Variants in TTC28 observed in about 807,000 individuals in gnomAD.
TTC28 encodes tetratricopeptide repeat protein 28.
Under a neutral mutation model 198.0 loss-of-function variants are expected in TTC28, and 61 were observed. The ratio of observed to expected loss-of-function variants is 0.31; its 90% CI spans 0.25 to 0.38. TTC28 has a LOEUF of 0.38. Ranked by LOEUF, TTC28 falls within the 10% of genes least tolerant of loss-of-function variation. TTC28 has a pLI of 1.00. For missense variants in TTC28, 2,678 were observed against 3,164.0 expected (o/e 0.85, Z 3.69); for synonymous variants, 1,171 against 1,297.8 (o/e 0.90, Z 2.10).
intron 2 of TTC28, among the ~76,000 whole-genome samples, chr22:28,343,311 T>C (rs1387250106): frequency 3.3e-5 from 5 of 151,890 alleles, no homozygotes; most frequent in Non-Finnish European, 7.4e-5. Flanking sequence ...AGGTGGATCA[T>C]TTGAGGTCAG....
intron 2 of TTC28, among the ~76,000 whole-genome samples, chr22:28,444,807 C>G (rs960062307): frequency 6.6e-6 from 1 of 152,150 alleles, no homozygotes; most frequent in African/African-American, 2.4e-5. Flanking sequence ...GACTTAAGCA[C>G]CTATTATTTC....
In TTC28 at chr22:28,163,495, T is replaced by C; in HGVS notation, c.1038A>G (p.Gln346=). The C allele has an allele frequency of 1.3e-6, 2 of 1,551,754 alleles. No homozygotes were observed. The highest frequency in any genetic ancestry group is 1.7e-6 in the Non-Finnish European group (2 of 1,147,008). The change falls in exon 6 of 23, where the codon CAA becomes CAG. Residue 346 remains glutamine (Q), a synonymous_variant. Transcript: ENST00000397906. ...SHKQCVLLAK[Q]SKDELSEARE... Reference sequence around the variant, plus strand: ...GGGCTTCAGAAAGTTCATCTTTGGATTGCTTGGCAAGAAGAACACACTGTT... The same window carrying C: ...GGGCTTCAGAAAGTTCATCTTTGGACTGCTTGGCAAGAAGAACACACTGTT...
intron 2 of TTC28, among the ~76,000 whole-genome samples, chr22:28,559,564 G>C (rs968408966): frequency 4.1e-4 from 63 of 152,134 alleles, no homozygotes; most frequent in Non-Finnish European, 1.0e-4. Context: ...CCCCTAAGTA[G>C]AGCAACAGCA....
chr22:28,130,811 TG>T (rs1166084184), intron 6 of TTC28, among the ~76,000 whole-genome samples: 8 of 152,250 alleles, frequency 5.3e-5, no homozygotes, highest in African/African-American at 1.9e-4. Flanking sequence ...TGTTTGTTTT[TG>T]TTTTTTACTT....
chr22:28,325,393 T>C (rs1321228107), intron 2 of TTC28, among the ~76,000 whole-genome samples: 1 of 152,136 alleles, frequency 6.6e-6, no homozygotes, highest in Non-Finnish European at 1.5e-5. Flanking sequence ...TTGCCAGTGG[T>C]CTATAATATT....
intron 5 of TTC28, among the ~76,000 whole-genome samples, chr22:28,197,639 A>G (rs1273798320): frequency 6.6e-6 from 1 of 152,094 alleles, no homozygotes; most frequent in East Asian, 1.9e-4. Flanking sequence ...AAACACGAAA[A>G]TATTGTTAAG....
intron 2 of TTC28, among the ~76,000 whole-genome samples, chr22:28,384,726 C>G (rs1438171845): frequency 6.6e-6 from 1 of 152,218 alleles, no homozygotes; most frequent in Non-Finnish European, 1.5e-5. Flanking sequence ...CTCTCCATTT[C>G]CACTACCACT....
intron 2 of TTC28, among the ~76,000 whole-genome samples, chr22:28,372,531 CTTTT>C (rs11309698): frequency 1.2e-4 from 17 of 145,690 alleles, no homozygotes; most frequent in Admixed American, 2.0e-4. Flanking sequence ...ATAGTTTATC[CTTTT>C]TTTTTTTTTT....
chr22:28,144,752 C>T (rs780756449), intron 6 of TTC28, among the ~76,000 whole-genome samples: 7 of 152,192 alleles, frequency 4.6e-5, no homozygotes, highest in Admixed American at 1.3e-4. Context: ...ATGGGGAGCC[C>T]GTAGCATAGC....
chr22:28,384,410 C>T (rs1424252342), intron 2 of TTC28, among the ~76,000 whole-genome samples: 2 of 152,140 alleles, frequency 1.3e-5, no homozygotes, highest in African/African-American at 4.8e-5. Flanking sequence ...TTTATCGCTC[C>T]TCTTTACTTA....
intron 2 of TTC28, among the ~76,000 whole-genome samples, chr22:28,337,486 T>C (rs1213526485): frequency 4.6e-5 from 7 of 152,218 alleles, no homozygotes; most frequent in Non-Finnish European, 1.0e-4. Flanking sequence ...AGTCTCTTTG[T>C]AGGTCTCTAA....
intron 6 of TTC28, among the ~76,000 whole-genome samples, chr22:28,144,431 T>C (rs758726415): frequency 1.3e-5 from 2 of 152,206 alleles, no homozygotes; most frequent in Non-Finnish European, 2.9e-5. Flanking sequence ...ATTGGAGATA[T>C]GAGTTTCAGA....
chr22:28,462,145 T>C lies in TTC28; in HGVS notation c.382-155502A>G, dbSNP rs1021144212. ...TATGTGACTGTGATAGCTCATATTA[T>C]TTGTTCAAAATATTCACTGCTTCTC... On this transcript the variant is annotated intron_variant, in intron 2 of 22. Transcript: ENST00000397906. 2.6e-5 allele frequency among the ~76,000 whole-genome samples: 4 copies of C among 152,254 alleles called. No homozygotes were observed. The East Asian group carries it at 5.8e-4, about 22-fold the overall frequency.
chr22:28,239,152 A>G (rs1929474761), intron 5 of TTC28, among the ~76,000 whole-genome samples: 1 of 152,124 alleles, frequency 6.6e-6, no homozygotes, highest in South Asian at 2.1e-4. Context: ...AGGACTAGTT[A>G]TTCCATCATG....
intron 2 of TTC28, among the ~76,000 whole-genome samples, chr22:28,524,408 C>T (rs574619995): frequency 1.3e-5 from 2 of 148,508 alleles, no homozygotes; most frequent in Non-Finnish European, 3.0e-5. Flanking sequence ...TGCAGTGAGC[C>T]GAGATCGCGC....
At chr22:28,542,218 T>C (rs1406755338) in intron 2 of TTC28, among the ~76,000 whole-genome samples, 1 of 152,002 alleles carries the variant, frequency 6.6e-6, no homozygotes, top group African/African-American at 2.4e-5. Context: ...ACAGAATAGA[T>C]ATGCAGAAGA....
intron 5 of TTC28, among the ~76,000 whole-genome samples, chr22:28,177,821 T>C (rs1923311167): frequency 6.6e-6 from 1 of 152,106 alleles, no homozygotes; most frequent in African/African-American, 2.4e-5. Context: ...ATAGAGAGAA[T>C]AAAAAGTTCA....
chr22:28,679,368 C>T (rs1431908800), intron 1 of TTC28, among the ~76,000 whole-genome samples: 1 of 152,202 alleles, frequency 6.6e-6, no homozygotes, highest in African/African-American at 2.4e-5. Flanking sequence ...ACACCCCCCA[C>T]CCCGGTGTGC....
At chr22:28,520,512 G>A (rs2048883560) in intron 2 of TTC28, among the ~76,000 whole-genome samples, 1 of 152,150 alleles carries the variant, frequency 6.6e-6, no homozygotes, top group Admixed American at 6.5e-5. Flanking sequence ...AATCATCTGT[G>A]GCAGACCAAC....
Sources: gnomAD v4.1 joint callset for allele counts (sites outside exome capture counted in the v4.1 genomes callset) on GRCh38, gnomAD v4.1.1 for gene constraint, MANE v1.5 for transcripts, NCBI Gene and HGNC (gene_info 2026-07-23, HGNC 2026-07-21) for gene names.